Variants in TCERG1L observed in about 807,000 individuals in gnomAD.
TCERG1L encodes transcription elongation regulator 1-like protein.
Under a neutral mutation model 56.3 loss-of-function variants are expected in TCERG1L, and 37 were observed. The ratio of observed to expected loss-of-function variants is 0.66; its 90% CI spans 0.51 to 0.87. The LOEUF (loss-of-function observed/expected upper bound fraction) is 0.87. Ranked by LOEUF, TCERG1L falls within the 40% of genes least tolerant of loss-of-function variation. TCERG1L has a pLI of 0.00. For synonymous variants in TCERG1L, 324 were observed against 326.3 expected, an observed-to-expected ratio of 0.99 and a Z score of 0.08; for missense variants, 799 against 774.2, an observed-to-expected ratio of 1.03 and a Z score of -0.38.
chr10:131,142,591 C>T (rs1845750131), intron 7 of TCERG1L, among the ~76,000 whole-genome samples: 1 of 152,216 alleles, frequency 6.6e-6, no homozygotes, highest in African/African-American at 2.4e-5. Flanking sequence ...GTGTTGAGTG[C>T]ACGGCTGCTG....
chr10:131,268,836 C>G (rs1166398597), intron 3 of TCERG1L, among the ~76,000 whole-genome samples: 1 of 152,224 alleles, frequency 6.6e-6, no homozygotes, highest in Non-Finnish European at 1.5e-5. Context: ...GGAGCTTGCT[C>G]TGGATTAGGC....
chr10:131,119,119 C>T (rs1356390359), intron 8 of TCERG1L, among the ~76,000 whole-genome samples: 6 of 152,150 alleles, frequency 3.9e-5, no homozygotes, highest in Admixed American at 2.0e-4. Flanking sequence ...ACCCGGCCGT[C>T]CAGGCCTCCC....
At chr10:131,264,817 C>A (rs1846269725) in intron 3 of TCERG1L, among the ~76,000 whole-genome samples, 2 of 152,246 alleles carry the variant, frequency 1.3e-5, no homozygotes, top group South Asian at 4.1e-4. Context: ...ATTCCCGCTC[C>A]AAGCCTTTCC....
At chr10:131,130,127 C>T (rs1057294802) in intron 8 of TCERG1L, among the ~76,000 whole-genome samples, 5 of 151,248 alleles carry the variant, frequency 3.3e-5, no homozygotes, top group African/African-American at 7.3e-5. Context: ...CACAGTTCCA[C>T]GGTTCTGGGA....
intron 3 of TCERG1L, among the ~76,000 whole-genome samples, chr10:131,273,691 C>T (rs187584656): frequency 6.7e-4 from 102 of 152,242 alleles, no homozygotes; most frequent in African/African-American, 2.1e-3. Flanking sequence ...CCCACACCTA[C>T]CCCATCTTCG....
chr10:131,230,699 A>G (rs1408071362), intron 4 of TCERG1L, among the ~76,000 whole-genome samples: 2 of 152,170 alleles, frequency 1.3e-5, no homozygotes, highest in East Asian at 3.9e-4. Context: ...GCTAGAGAAA[A>G]GCATGGATCT....
intron 8 of TCERG1L, among the ~76,000 whole-genome samples, chr10:131,120,987 G>A (rs1217358293): frequency 1.3e-5 from 2 of 152,228 alleles, no homozygotes; most frequent in African/African-American, 2.4e-5. Flanking sequence ...CACATGCGAA[G>A]CCTCAGCTGC....
At chr10:131,257,001 G>GA (rs55993705) in intron 4 of TCERG1L, among the ~76,000 whole-genome samples, 22 of 93,334 alleles carry the variant, frequency 2.4e-4, no homozygotes, top group African/African-American at 7.4e-4. Context: ...AGGAAAGAAA[G>GA]AAAGAAAGAA....
chr10:131,216,059 G>C (rs893909960), intron 4 of TCERG1L, among the ~76,000 whole-genome samples: 9 of 152,168 alleles, frequency 5.9e-5, no homozygotes, highest in Admixed American at 1.3e-4. Flanking sequence ...AAATGGCCTT[G>C]TCCCTGCATC....
At chr10:131,221,348 T>C (rs1378747200) in intron 4 of TCERG1L, among the ~76,000 whole-genome samples, 1 of 152,194 alleles carries the variant, frequency 6.6e-6, no homozygotes, top group Admixed American at 6.5e-5. Context: ...TCAAATTTCC[T>C]TCTCAATGTT....
chr10:131,104,747 T>C (rs1288270200), intron 9 of TCERG1L, among the ~76,000 whole-genome samples: 1 of 152,184 alleles, frequency 6.6e-6, no homozygotes, highest in African/African-American at 2.4e-5. Context: ...CAGGCTGAGT[T>C]TAGGTGATTT....
chr10:131,195,612 C>T (rs1346862620), intron 4 of TCERG1L, among the ~76,000 whole-genome samples: 1 of 152,170 alleles, frequency 6.6e-6, no homozygotes, highest in Non-Finnish European at 1.5e-5. Context: ...TTCTCCAGCC[C>T]GATCGCACAG....
rs1263596063 is a variant in TCERG1L at position 131,311,657 on chromosome 10, C to CGGCGGCGGG, written c.-31_-23dup. On this transcript the variant is annotated 5_prime_UTR_variant, in exon 1 of 12. Transcript: ENST00000368642. This position sits in a 1 kb window ranked among gnomAD's most constrained non-coding sequence, Gnocchi z 4.0. ...GCATCCTACATCCCCGCGCTGACGG[C>CGGCGGCGGG]GGCGGCGGGGGCGGCGGGCGCCCGA... The CGGCGGCGGG allele has an allele frequency of 7.3e-6, 8 of 1,102,466 alleles. No homozygotes were observed. In the East Asian group the frequency reaches 2.0e-4, roughly 28 times the overall value. 68.3% of individuals were successfully genotyped at this position (1,102,466 alleles called of 1,614,324 possible). A position where few individuals can be genotyped will look rare whatever the true frequency, so the allele number is the denominator to read the frequency against.
At chr10:131,285,037 A>G (rs147680638) in intron 3 of TCERG1L, among the ~76,000 whole-genome samples, 5 of 152,306 alleles carry the variant, frequency 3.3e-5, no homozygotes, top group African/African-American at 1.2e-4. Flanking sequence ...AGCTTCTTCT[A>G]TGAATCCAGT....
At chr10:131,174,425 T>C (rs540599347) in intron 4 of TCERG1L, among the ~76,000 whole-genome samples, 1 of 152,266 alleles carries the variant, frequency 6.6e-6, no homozygotes, top group African/African-American at 2.4e-5. Context: ...CTGGCTGGGC[T>C]GCTGTGCGGT....
intron 11 of TCERG1L, among the ~76,000 whole-genome samples, chr10:131,093,726 C>T (rs1845210333): frequency 6.6e-6 from 1 of 152,178 alleles, no homozygotes; most frequent in African/African-American, 2.4e-5. Context: ...CCTGGTACAC[C>T]CTTCCCTTGT....
At position 131,118,826 on chromosome 10, in the gene TCERG1L, C is replaced by T. The variant is rs1258028101; in HGVS notation, c.1260-1892G>A. Among the ~76,000 whole-genome samples the T allele has an allele frequency of 3.3e-5, 5 of 152,150 alleles. No individual in the cohort carries two copies. ...TGTCCAGTTCTGGTTTTGACGATAGCACCATGTTCTCCACTGGGGATGATT... is the reference window on the plus strand; with the variant it reads ...TGTCCAGTTCTGGTTTTGACGATAGTACCATGTTCTCCACTGGGGATGATT... On this transcript the variant is annotated intron_variant, in intron 8 of 11. Coordinates refer to ENST00000368642, the MANE Select transcript of TCERG1L (RefSeq NM_174937.4). The surrounding 1 kb of genome is among the most constrained non-coding windows in gnomAD (Gnocchi z 4.2).
At chr10:131,128,923 G>A (rs948740025) in intron 8 of TCERG1L, among the ~76,000 whole-genome samples, 9 of 152,060 alleles carry the variant, frequency 5.9e-5, no homozygotes, top group African/African-American at 9.7e-5. Context: ...CGGCTCTGAC[G>A]GCAGATTTAC....
intron 4 of TCERG1L, among the ~76,000 whole-genome samples, chr10:131,183,811 G>A (rs1304415324): frequency 6.6e-6 from 1 of 152,214 alleles, no homozygotes; most frequent in Non-Finnish European, 1.5e-5. Context: ...TCTTACACGT[G>A]ATGCTAACAT....
Sources: gnomAD v4.1 joint callset for allele counts (sites outside exome capture counted in the v4.1 genomes callset) on GRCh38, gnomAD v4.1.1 for gene constraint, Gnocchi (gnomAD v3.1) non-coding constraint, MANE v1.5 for transcripts, NCBI Gene and HGNC (gene_info 2026-07-23, HGNC 2026-07-21) for gene names.